PRDM2: variants seen among roughly 807,000 people sequenced by gnomAD.
PRDM2 encodes the protein PR/SET domain 2.
PRDM2 carries 30 observed loss-of-function variants against 130.0 expected under a neutral mutation model. The ratio of observed to expected loss-of-function variants is 0.23; its 90% CI spans 0.17 to 0.31. PRDM2 has a LOEUF of 0.31. Among genes scored for constraint, PRDM2 ranks in the 10% least tolerant of loss-of-function variants. PRDM2 has a pLI of 1.00. For synonymous variants in PRDM2, 871 were observed against 782.4 expected, an observed-to-expected ratio of 1.11 and a Z score of -1.89; for missense variants, 2,011 against 2,108.4, an observed-to-expected ratio of 0.95 and a Z score of 0.90.
chr1:13,730,173 A>G (rs769860223), intron 2 of PRDM2, among the ~76,000 whole-genome samples: 2 of 152,184 alleles, frequency 1.3e-5, no homozygotes, highest in South Asian at 2.1e-4. Flanking sequence ...CGTAGGATAT[A>G]TGGTGTACTG....
rs531510647 is a variant in PRDM2 at position 13,764,353 on chromosome 1, T to C, written c.512-8725T>C. 2.7e-4 allele frequency among the ~76,000 whole-genome samples: 41 copies of C among 152,312 alleles called. No homozygotes were observed. In the East Asian group the frequency reaches 5.8e-3, roughly 21 times the overall value. Reference sequence around the variant, plus strand: ...CATTTTTCAGGCTACTAAAAAAACGTGAGAAAGAAACCTAGAAATTGATTA... The same window carrying C: ...CATTTTTCAGGCTACTAAAAAAACGCGAGAAAGAAACCTAGAAATTGATTA... On this transcript the variant is annotated intron_variant, in intron 6 of 9. Coordinates refer to ENST00000311066, the MANE Select transcript of PRDM2 (RefSeq NM_001393986.1).
intron 6 of PRDM2, among the ~76,000 whole-genome samples, chr1:13,758,710 A>G (rs1361298592): frequency 6.6e-6 from 1 of 152,210 alleles, no homozygotes; most frequent in Non-Finnish European, 1.5e-5. Flanking sequence ...TGGAGCATTT[A>G]TTGTAGCTGC....
rs376386881 is a variant in PRDM2 at position 13,780,139 on chromosome 1, C to T, written c.2344C>T (p.Pro782Ser). ...CAAATTAGAAAGTCACAGCGACTCA[C>T]CAGCATGGAGTTTGTCTGGGAGAGA... ...KSKLESHSDSPAWSLSGRDER... is the reference protein window; with the variant it reads ...KSKLESHSDSSAWSLSGRDER... Residue 782 changes from proline to serine, a missense_variant, in exon 8 of 10, where the codon CCA (proline) becomes TCA (serine). Pro to Ser is a moderately conservative substitution (Grantham distance 74, BLOSUM62 -1). Transcript: ENST00000311066. 6.2e-7 allele frequency: 1 copy of T among 1,609,474 alleles called. No homozygotes were observed.
chr1:13,780,535 A>C lies in PRDM2; in HGVS notation c.2740A>C (p.Ser914Arg). The change falls in exon 8 of 10, where the codon AGT becomes CGT. Residue 914 changes from serine to arginine, a missense_variant. Ser to Arg is a moderately radical substitution (Grantham distance 110). This residue lies in a region of PRDM2 where 1,288 missense variants were observed against 1,237.7 expected (regional missense o/e 1.04). Coordinates refer to ENST00000311066, the MANE Select transcript of PRDM2 (RefSeq NM_001393986.1). ...CCCTGCAGATGGGACCAGGAGCCCA[A>C]GTCCTTGTAAATCCCTAGAAGCTCA... ...ENPADGTRSP[S>R]PCKSLEAQPD... The C allele has an allele frequency of 6.2e-7, 1 of 1,614,178 alleles. No individual in the cohort carries two copies. Among genetic ancestry groups the C allele is most frequent in the Non-Finnish European group, 8.5e-7 (1 of 1,180,034 alleles).
intron 5 of PRDM2, among the ~76,000 whole-genome samples, chr1:13,744,645 A>G (rs1371147731): frequency 6.6e-6 from 1 of 152,168 alleles, no homozygotes; most frequent in Non-Finnish European, 1.5e-5. Flanking sequence ...AAGCCAATAT[A>G]TATATATATA....
chr1:13,780,658 T>C lies in PRDM2; in HGVS notation c.2863T>C (p.Ser955Pro). ...TTCATCACCTGCCCTGCAGACACCCTCCCTTTCATCCGGTCAGCTGCCTCC... is the reference window on the plus strand; with the variant it reads ...TTCATCACCTGCCCTGCAGACACCCCCCCTTTCATCCGGTCAGCTGCCTCC... ...CPSSPALQTP[S>P]LSSGQLPPLL... The change falls in exon 8 of 10, where the codon TCC becomes CCC. Residue 955 changes from serine (S) to proline (P), a missense_variant. By Grantham distance (74) the Ser-to-Pro change is moderately conservative. This residue lies in a region of PRDM2 where 1,288 missense variants were observed against 1,237.7 expected (regional missense o/e 1.04). Coordinates refer to ENST00000311066, the MANE Select transcript of PRDM2 (RefSeq NM_001393986.1). The C allele has an allele frequency of 6.2e-7, 1 of 1,612,176 alleles. No homozygotes were observed. The highest frequency in any genetic ancestry group is 8.5e-7 in the Non-Finnish European group (1 of 1,178,968).
chr1:13,811,389 C>T (rs545329580), intron 8 of PRDM2, among the ~76,000 whole-genome samples: 13 of 152,278 alleles, frequency 8.5e-5, no homozygotes. Context: ...TGCTCGCCCC[C>T]TGCTGGCTGA....
chr1:13,790,081 C>G (rs1465852720), intron 8 of PRDM2, among the ~76,000 whole-genome samples: 1 of 152,166 alleles, frequency 6.6e-6, no homozygotes, highest in Non-Finnish European at 1.5e-5. Flanking sequence ...CCACACTTCA[C>G]CTGGGGAGCT....
At chr1:13,747,919 A>C (rs1643663906) in intron 5 of PRDM2, among the ~76,000 whole-genome samples, 4 of 152,264 alleles carry the variant, frequency 2.6e-5, no homozygotes, top group Admixed American at 2.6e-4. Flanking sequence ...CAATTGTTCC[A>C]ATCATGTCTT....
intron 1 of PRDM2, among the ~76,000 whole-genome samples, chr1:13,714,519 G>A (rs992859283): frequency 1.3e-5 from 2 of 152,072 alleles, no homozygotes; most frequent in Non-Finnish European, 1.5e-5. Context: ...AGGGTGATCA[G>A]GTGAGTGGTT....
chr1:13,704,938 A>G (rs1464754041), intron 1 of PRDM2: 1 of 152,244 alleles, frequency 6.6e-6, no homozygotes, highest in Admixed American at 6.5e-5. Context: ...ACTTAGTTTT[A>G]CAGTACATCT....
At chr1:13,715,192 C>A (rs765840238) in intron 1 of PRDM2, among the ~76,000 whole-genome samples, 14 of 152,142 alleles carry the variant, frequency 9.2e-5, no homozygotes, top group Non-Finnish European at 1.6e-4. Context: ...GAAAAAGACA[C>A]TTATATTGCA....
At chr1:13,801,111 G>A (rs1451073604) in intron 8 of PRDM2, among the ~76,000 whole-genome samples, 3 of 152,180 alleles carry the variant, frequency 2.0e-5, no homozygotes, top group South Asian at 2.1e-4. Context: ...AGAGGAGGCC[G>A]TGGTGGGGAG....
At chr1:13,702,329 G>A (rs955192297) in intron 1 of PRDM2, among the ~76,000 whole-genome samples, 1 of 152,164 alleles carries the variant, frequency 6.6e-6, no homozygotes, top group Admixed American at 6.5e-5. Context: ...TGGATGGGCC[G>A]TAAGTTATCA....
intron 4 of PRDM2, among the ~76,000 whole-genome samples, chr1:13,737,544 T>C (rs1643308304): frequency 6.6e-6 from 1 of 152,184 alleles, no homozygotes; most frequent in Admixed American, 6.5e-5. Context: ...TGGTGATGTC[T>C]GGTTTCAGGT....
At chr1:13,746,189 G>A (rs1643599300) in intron 5 of PRDM2, among the ~76,000 whole-genome samples, 1 of 151,796 alleles carries the variant, frequency 6.6e-6, no homozygotes, top group Non-Finnish European at 1.5e-5. Context: ...AATCTTTGTT[G>A]TTGTTAATTT....
intron 2 of PRDM2, among the ~76,000 whole-genome samples, chr1:13,728,010 A>G (rs1014400700): frequency 6.6e-6 from 1 of 152,210 alleles, no homozygotes; most frequent in South Asian, 2.1e-4. Context: ...ATGGCATACC[A>G]CATTTTCTAA....
At chr1:13,755,163 C>T (rs757366881) in intron 6 of PRDM2, among the ~76,000 whole-genome samples, 1 of 152,124 alleles carries the variant, frequency 6.6e-6, no homozygotes, top group African/African-American at 2.4e-5. Context: ...CTGAATTGCT[C>T]CAAATTTAGA....
intron 8 of PRDM2, among the ~76,000 whole-genome samples, chr1:13,814,984 C>G (rs896058835): frequency 6.6e-6 from 1 of 152,174 alleles, no homozygotes; most frequent in East Asian, 1.9e-4. Flanking sequence ...GGGATAATAA[C>G]AGTATCCACC....
Sources: gnomAD v4.1 joint callset for allele counts (sites outside exome capture counted in the v4.1 genomes callset) on GRCh38, gnomAD v4.1.1 for gene constraint, gnomAD v4.1.1 regional missense constraint, MANE v1.5 for transcripts, NCBI Gene and HGNC (gene_info 2026-07-23, HGNC 2026-07-21) for gene names.